SCAPER: variants seen among roughly 807,000 people sequenced by gnomAD.
The protein encoded by SCAPER is S-phase cyclin A associated protein in the ER.
In SCAPER, 98 loss-of-function variants were observed where a neutral mutation model predicts 182.2. That is an observed-to-expected ratio of 0.54 (90% CI 0.46 to 0.64). SCAPER has a LOEUF of 0.64. Ranked by LOEUF, SCAPER falls within the 30% of genes least tolerant of loss-of-function variation. The pLI is 0.00. For missense variants in SCAPER, 1,432 were observed against 1,690.0 expected (o/e 0.85, Z 2.68); for synonymous variants, 605 against 564.6 (o/e 1.07, Z -1.01).
intron 4 of SCAPER, among the ~76,000 whole-genome samples, chr15:76,849,657 G>A (rs1031846017): frequency 1.3e-5 from 2 of 152,198 alleles, no homozygotes; most frequent in South Asian, 2.1e-4. Flanking sequence ...GAAACCACAC[G>A]ACCAAGGAAG....
At chr15:76,360,191 T>G (rs937228677) in intron 29 of SCAPER, among the ~76,000 whole-genome samples, 1 of 152,226 alleles carries the variant, frequency 6.6e-6, no homozygotes, top group African/African-American at 2.4e-5. Flanking sequence ...TCACTTGGTA[T>G]GAAGGAATTC....
At chr15:76,763,290 C>T (rs1025098108) in intron 14 of SCAPER, among the ~76,000 whole-genome samples, 71 of 132,886 alleles carry the variant, frequency 5.3e-4, no homozygotes, top group Middle Eastern at 4.4e-3. Context: ...TGTAACATCC[C>T]ATTATCTCCT....
chr15:76,588,216 C>T (rs1216205518), intron 22 of SCAPER, among the ~76,000 whole-genome samples: 3 of 152,212 alleles, frequency 2.0e-5, no homozygotes. Context: ...GCCACCGCGC[C>T]CGGCCCTGTC....
rs894836954 is a variant in SCAPER, at chr15:76,868,041, A to T, written c.7-5508T>A. On this transcript the variant is annotated intron_variant, in intron 2 of 31. Coordinates refer to ENST00000563290, the MANE Select transcript of SCAPER (RefSeq NM_020843.4). ...CTAAAGAATGATAGAGTCATAAGAT[A>T]AAAAAAAAAATTTAGTCCCATCAAA... Among the ~76,000 whole-genome samples, 7 of 148,920 alleles carry T rather than the reference A, an allele frequency of 4.7e-5. No homozygotes were observed. The East Asian group carries it at 9.7e-4, about 21-fold the overall frequency.
intron 24 of SCAPER, among the ~76,000 whole-genome samples, chr15:76,489,425 C>A (rs1342109304): frequency 6.6e-5 from 10 of 151,576 alleles, no homozygotes; most frequent in Non-Finnish European, 1.3e-4. Context: ...TCCCTAAATT[C>A]CCCTTGCTGT....
chr15:76,585,030 AG>A (rs1481651404), intron 22 of SCAPER, among the ~76,000 whole-genome samples: 2 of 152,220 alleles, frequency 1.3e-5, no homozygotes, highest in African/African-American at 4.8e-5. Context: ...TACTTTGATA[AG>A]TCAAAGAACA....
chr15:76,371,598 G>A (rs1413922458), intron 29 of SCAPER, among the ~76,000 whole-genome samples: 4 of 151,442 alleles, frequency 2.6e-5, no homozygotes, highest in Admixed American at 6.6e-5. Context: ...GATTACAGGC[G>A]TGAGCCACCA....
At chr15:76,843,375 T>C (rs2069673665) in intron 4 of SCAPER, among the ~76,000 whole-genome samples, 1 of 152,110 alleles carries the variant, frequency 6.6e-6, no homozygotes, top group Non-Finnish European at 1.5e-5. Flanking sequence ...ACAGGACAAA[T>C]ATTACTATTC....
chr15:76,659,008 T>C (rs1344139179), intron 21 of SCAPER, among the ~76,000 whole-genome samples: 2 of 152,136 alleles, frequency 1.3e-5, no homozygotes, highest in African/African-American at 4.8e-5. Context: ...AAACAGGACC[T>C]GGTAAATATT....
chr15:76,679,819 T>C (rs1450357624), intron 20 of SCAPER, among the ~76,000 whole-genome samples: 4 of 152,332 alleles, frequency 2.6e-5, no homozygotes, highest in Middle Eastern at 3.4e-3. Flanking sequence ...TGTTCCTTTC[T>C]GATCTAATCT....
chr15:76,627,988 G>A (rs966376678), intron 21 of SCAPER, among the ~76,000 whole-genome samples: 8 of 152,130 alleles, frequency 5.3e-5, no homozygotes, highest in East Asian at 1.9e-4. Flanking sequence ...CATTCTGACC[G>A]GCATGAGATG....
chr15:76,409,715 G>A (rs1236347386), intron 26 of SCAPER, among the ~76,000 whole-genome samples: 1 of 151,950 alleles, frequency 6.6e-6, no homozygotes, highest in Admixed American at 6.6e-5. Context: ...TTCTATCCCT[G>A]AACTAAATTT....
chr15:76,471,626 C>T (rs1402538453), intron 24 of SCAPER, among the ~76,000 whole-genome samples: 2 of 152,164 alleles, frequency 1.3e-5, no homozygotes, highest in Non-Finnish European at 2.9e-5. Context: ...TCTGAATACT[C>T]TAAGACTAGA....
chr15:76,664,899 T>G (rs552502019), intron 21 of SCAPER, among the ~76,000 whole-genome samples: 1 of 152,192 alleles, frequency 6.6e-6, no homozygotes, highest in African/African-American at 2.4e-5. Context: ...TACAGAGAGA[T>G]AACTGCACTG....
chr15:76,773,586 T>C (rs1439829097), intron 9 of SCAPER, among the ~76,000 whole-genome samples: 1 of 151,922 alleles, frequency 6.6e-6, no homozygotes, highest in Non-Finnish European at 1.5e-5. Flanking sequence ...GACTCTTCCA[T>C]ATTGTTAGAA....
At chr15:76,425,979 G>A (rs939889790) in intron 26 of SCAPER, among the ~76,000 whole-genome samples, 6 of 152,156 alleles carry the variant, frequency 3.9e-5, no homozygotes, top group African/African-American at 1.2e-4. Flanking sequence ...TGGAAGCTTC[G>A]TCTCAGAGAG....
intron 23 of SCAPER, among the ~76,000 whole-genome samples, chr15:76,561,999 A>G (rs2046670029): frequency 6.6e-6 from 1 of 151,746 alleles, no homozygotes; most frequent in Admixed American, 6.6e-5. Flanking sequence ...ACAAAAAATT[A>G]GCTGGGTGTG....
At chr15:76,611,679 T>C (rs1398431259) in intron 22 of SCAPER, among the ~76,000 whole-genome samples, 1 of 152,062 alleles carries the variant, frequency 6.6e-6, no homozygotes, top group African/African-American at 2.4e-5. Flanking sequence ...CATCATCAAT[T>C]TGGAAAAATC....
At chr15:76,628,691 G>A (rs1022381566) in intron 21 of SCAPER, among the ~76,000 whole-genome samples, 3 of 152,158 alleles carry the variant, frequency 2.0e-5, no homozygotes, top group Admixed American at 6.5e-5. Flanking sequence ...AATATAGTTT[G>A]AAGTTGGGTA....
Sources: allele counts gnomAD v4.1 joint callset (sites outside exome capture counted in the v4.1 genomes callset), GRCh38; gene constraint gnomAD v4.1.1; transcripts MANE v1.5; gene names NCBI Gene and HGNC (gene_info 2026-07-23, HGNC 2026-07-21).